The following RNF150 variants were observed in gnomAD, a reference collection of about 807,000 sequenced individuals.
RNF150 encodes the protein ring finger protein 150.
In RNF150, 24 loss-of-function variants were observed where a neutral mutation model predicts 39.3. That is an observed-to-expected ratio of 0.61 (90% CI 0.44 to 0.86). RNF150 has a LOEUF of 0.86. Among genes scored for constraint, RNF150 ranks in the 40% least tolerant of loss-of-function variants. The probability of loss-of-function intolerance (pLI) is 0.00; values close to 1 mark genes in which losing one functional copy is unlikely to be tolerated. For synonymous variants in RNF150, 255 were observed against 227.3 expected (o/e 1.12, Z -1.10); for missense variants, 502 against 587.8 (o/e 0.85, Z 1.51).
At chr4:140,889,332 A>C (rs1250009525) in intron 6 of RNF150, among the ~76,000 whole-genome samples, 1 of 152,186 alleles carries the variant, frequency 6.6e-6, no homozygotes, top group East Asian at 1.9e-4. Flanking sequence ...TTTCAGAAGT[A>C]CTGTGATTTT....
intron 1 of RNF150, among the ~76,000 whole-genome samples, chr4:141,096,059 T>C (rs574266561): frequency 1.3e-5 from 2 of 152,266 alleles, no homozygotes; most frequent in African/African-American, 4.8e-5. Flanking sequence ...TAGTTACCTG[T>C]GCAGGAGAGG....
intron 1 of RNF150, among the ~76,000 whole-genome samples, chr4:141,158,671 A>G (rs940369699): frequency 5.9e-5 from 9 of 152,152 alleles, no homozygotes; most frequent in Non-Finnish European, 1.2e-4. Context: ...TTACCATTTC[A>G]TTTTTACAAT....
chr4:141,174,550 T>A (rs1334195836), intron 1 of RNF150, among the ~76,000 whole-genome samples: 2 of 152,204 alleles, frequency 1.3e-5, no homozygotes, highest in Non-Finnish European at 2.9e-5. Flanking sequence ...GCTGTTGACT[T>A]GGCAGAAGTA....
chr4:141,017,305 T>C (rs1455576972), intron 1 of RNF150, among the ~76,000 whole-genome samples: 2 of 152,154 alleles, frequency 1.3e-5, no homozygotes, highest in Admixed American at 6.6e-5. Flanking sequence ...TGAGATCACC[T>C]TAGACATCTT....
chr4:140,910,687 C>A (rs182507155), intron 6 of RNF150, among the ~76,000 whole-genome samples: 1 of 143,440 alleles, frequency 7.0e-6, no homozygotes, highest in Non-Finnish European at 1.5e-5. Flanking sequence ...TACAGTCACA[C>A]GCACACTCGG....
At chr4:141,070,900 A>G (rs1173126623) in intron 1 of RNF150, among the ~76,000 whole-genome samples, 1 of 146,998 alleles carries the variant, frequency 6.8e-6, no homozygotes, top group African/African-American at 2.5e-5. Flanking sequence ...CCAAATGACT[A>G]TAAATCATGC....
chr4:140,912,621 T>C (rs1277426856), intron 5 of RNF150, among the ~76,000 whole-genome samples: 2 of 152,272 alleles, frequency 1.3e-5, no homozygotes, highest in East Asian at 1.9e-4. Context: ...CTTAGCTGTA[T>C]AATGCCAGTC....
intron 1 of RNF150, among the ~76,000 whole-genome samples, chr4:141,120,905 C>G (rs1008654271): frequency 6.6e-6 from 1 of 152,146 alleles, no homozygotes; most frequent in African/African-American, 2.4e-5. Flanking sequence ...GCTGTATGGG[C>G]AGCAGATGGC....
chr4:141,157,087 T>C (rs1286285884), intron 1 of RNF150, among the ~76,000 whole-genome samples: 3 of 152,172 alleles, frequency 2.0e-5, no homozygotes, highest in Non-Finnish European at 4.4e-5. Context: ...GGTGAGTCCA[T>C]AGTGTAACAC....
intron 2 of RNF150, among the ~76,000 whole-genome samples, chr4:140,953,679 G>A (rs1732630870): frequency 6.6e-6 from 1 of 151,540 alleles, no homozygotes; most frequent in Non-Finnish European, 1.5e-5. Context: ...ATGCAGAGAA[G>A]ACCCCATTAA....
chr4:141,194,085 C>T (rs917209203), intron 1 of RNF150, among the ~76,000 whole-genome samples: 6 of 152,200 alleles, frequency 3.9e-5, no homozygotes, highest in African/African-American at 1.4e-4. Context: ...ATATTGTATA[C>T]GACAAACTAT....
chr4:141,188,581 CT>C lies in RNF150; in HGVS notation c.-6+24212del, dbSNP rs370085639. ...TTTTTTCTCTAATCTTGTCTTCATGCTTTTTTTCATTAAGTTGATCTTCGAT... is the reference window on the plus strand; with the variant it reads ...TTTTTTCTCTAATCTTGTCTTCATGCTTTTTTCATTAAGTTGATCTTCGAT... On this transcript the variant is annotated intron_variant, in intron 1 of 7. Transcript: ENST00000420921. Among the ~76,000 whole-genome samples the C allele has an allele frequency of 1.2e-4, 18 of 152,152 alleles. No individual in the cohort carries two copies. The East Asian group carries it at 1.7e-3, about 15-fold the overall frequency.
chr4:140,919,088 G>A (rs1483266953), intron 5 of RNF150, among the ~76,000 whole-genome samples: 1 of 150,012 alleles, frequency 6.7e-6, no homozygotes, highest in Non-Finnish European at 1.5e-5. Context: ...CATACTGAAT[G>A]GGCAAAAACT....
At chr4:141,147,202 T>C (rs11730165) in intron 1 of RNF150, among the ~76,000 whole-genome samples, 34 of 152,344 alleles carry the variant, frequency 2.2e-4, no homozygotes, top group African/African-American at 6.7e-4. Context: ...GTAATACTGG[T>C]TTGTCAACAA....
intron 1 of RNF150, among the ~76,000 whole-genome samples, chr4:140,990,724 T>C (rs925623392): frequency 3.3e-5 from 5 of 152,254 alleles, no homozygotes; most frequent in African/African-American, 7.2e-5. Flanking sequence ...ACTTTCTTTA[T>C]CCAGTCTATC....
Position 141,132,513 on chromosome 4 carries a change from C to T in RNF150, c.296G>A (p.Arg99His), listed in dbSNP as rs974188903. Residue 99 changes from arginine (R) to histidine (H), a missense_variant, in exon 1 of 7, where the codon CGC becomes CAC. Coordinates refer to ENST00000515673, the MANE Select transcript of RNF150 (RefSeq NM_020724.2). This position sits in a 1 kb window ranked among gnomAD's most constrained non-coding sequence, Gnocchi z 4.9. ...CTTGGTGTTGGGGTCGCAGGCCAGGCGGTCGTGGGCCGAGCTGGCCATGAC... is the reference window on the plus strand; with the variant it reads ...CTTGGTGTTGGGGTCGCAGGCCAGGTGGTCGTGGGCCGAGCTGGCCATGAC... Reference protein sequence around the residue: ...EVVMASSAHDRLACDPNTKFA... With the variant: ...EVVMASSAHDHLACDPNTKFA... 5.6e-6 allele frequency: 9 copies of T among 1,603,712 alleles called. No homozygotes were observed. Among genetic ancestry groups the T allele is most frequent in the Non-Finnish European group, 7.7e-6 (9 of 1,176,202 alleles).
At chr4:140,928,216 GACA>G (rs1371663315) in intron 4 of RNF150, among the ~76,000 whole-genome samples, 1 of 152,196 alleles carries the variant, frequency 6.6e-6, no homozygotes, top group Non-Finnish European at 1.5e-5. Flanking sequence ...AGTACTTAGT[GACA>G]ACAGTGTTAA....
At chr4:140,874,528 T>C (rs934515593) in intron 6 of RNF150, among the ~76,000 whole-genome samples, 1 of 152,264 alleles carries the variant, frequency 6.6e-6, no homozygotes, top group Non-Finnish European at 1.5e-5. Context: ...ACAGTATTAA[T>C]GCTTACTGAG....
chr4:140,976,126 A>G (rs1183510838), intron 1 of RNF150, among the ~76,000 whole-genome samples: 1 of 152,108 alleles, frequency 6.6e-6, no homozygotes, highest in Non-Finnish European at 1.5e-5. Flanking sequence ...GGTGAAGGAA[A>G]GAATTTTTTA....
Sources: allele counts gnomAD v4.1 joint callset (sites outside exome capture counted in the v4.1 genomes callset), GRCh38; gene constraint gnomAD v4.1.1; non-coding constraint Gnocchi (gnomAD v3.1); transcripts MANE v1.5; gene names NCBI Gene and HGNC (gene_info 2026-07-23, HGNC 2026-07-21).